The following RNF150 variants were observed in gnomAD, a reference collection of about 807,000 sequenced individuals.
The protein encoded by RNF150 is ring finger protein 150.
A neutral mutation model predicts 39.3 loss-of-function variants in RNF150; 24 were observed. The ratio of observed to expected loss-of-function variants is 0.61; its 90% CI spans 0.44 to 0.86. The LOEUF (loss-of-function observed/expected upper bound fraction) is 0.86, where lower values mean the gene tolerates loss of function less well. Among genes scored for constraint, RNF150 ranks in the 40% least tolerant of loss-of-function variants. The pLI, the probability that RNF150 is intolerant of heterozygous loss-of-function variation, is 0.00. For missense variants in RNF150, 502 were observed against 587.8 expected (o/e 0.85, Z 1.51); for synonymous variants, 255 against 227.3 (o/e 1.12, Z -1.10).
intron 1 of RNF150, among the ~76,000 whole-genome samples, chr4:141,208,947 T>C (rs1578798019): frequency 6.6e-6 from 1 of 152,172 alleles, no homozygotes; most frequent in Admixed American, 6.5e-5. Flanking sequence ...CCAGAGCAGA[T>C]ACTATACATC....
intron 1 of RNF150, among the ~76,000 whole-genome samples, chr4:141,153,941 C>T (rs1417636228): frequency 6.6e-6 from 1 of 152,180 alleles, no homozygotes; most frequent in Non-Finnish European, 1.5e-5. Flanking sequence ...GATTGAATCC[C>T]AGATATGCCA....
intron 1 of RNF150, among the ~76,000 whole-genome samples, chr4:141,004,843 T>C (rs1322237005): frequency 6.6e-6 from 1 of 152,200 alleles, no homozygotes; most frequent in Non-Finnish European, 1.5e-5. Context: ...ATCTACTCTG[T>C]ACATGTCTCC....
At chr4:141,049,886 T>A (rs757112015) in intron 1 of RNF150, among the ~76,000 whole-genome samples, 1 of 151,928 alleles carries the variant, frequency 6.6e-6, no homozygotes. Flanking sequence ...AAAAGATAAA[T>A]GTGATAAGGA....
intron 1 of RNF150, among the ~76,000 whole-genome samples, chr4:141,194,020 A>G (rs973964232): frequency 2.0e-5 from 3 of 152,260 alleles, no homozygotes; most frequent in African/African-American, 4.8e-5. Flanking sequence ...TCTCATATGC[A>G]CATGGTTTTA....
chr4:141,076,299 T>C lies in RNF150; in HGVS notation c.484+56026A>G, dbSNP rs2110964599. On this transcript the variant is annotated intron_variant, in intron 1 of 6. Coordinates refer to ENST00000515673, the MANE Select transcript of RNF150 (RefSeq NM_020724.2). Reference sequence around the variant, plus strand: ...ACCCTTGAGTTAGGCATATTTCCCATTTCTAAATTAAATTGCTTTTTAAAA... The same window carrying C: ...ACCCTTGAGTTAGGCATATTTCCCACTTCTAAATTAAATTGCTTTTTAAAA... 2.0e-5 allele frequency among the ~76,000 whole-genome samples: 3 copies of C among 152,322 alleles called. No individual in the cohort carries two copies. In the East Asian group the frequency reaches 5.8e-4, roughly 29 times the overall value.
At chr4:141,046,291 A>T (rs190765959) in intron 1 of RNF150, among the ~76,000 whole-genome samples, 1 of 152,216 alleles carries the variant, frequency 6.6e-6, no homozygotes, top group Admixed American at 6.5e-5. Flanking sequence ...TCTTCTACCT[A>T]CATAGATACT....
chr4:141,015,110 T>TTATGACAAAGGTGTTATGA (rs1459166746), intron 1 of RNF150, among the ~76,000 whole-genome samples: 1 of 152,224 alleles, frequency 6.6e-6, no homozygotes, highest in Non-Finnish European at 1.5e-5. Context: ...CTCACCTTTG[T>TTATGACAAAGGTGTTATGA]CATAAATAAG....
At chr4:140,967,392 A>G (rs1204903613) in intron 2 of RNF150, among the ~76,000 whole-genome samples, 1 of 152,134 alleles carries the variant, frequency 6.6e-6, no homozygotes, top group Non-Finnish European at 1.5e-5. Context: ...TGTCAAAAAC[A>G]TAAGCAATGG....
intron 2 of RNF150, among the ~76,000 whole-genome samples, chr4:140,957,542 A>C (rs949312866): frequency 3.3e-5 from 5 of 152,232 alleles, no homozygotes; most frequent in Non-Finnish European, 7.3e-5. Context: ...CAGCCATCCC[A>C]TTACTGGGTA....
intron 1 of RNF150, among the ~76,000 whole-genome samples, chr4:141,061,921 A>G (rs1190438395): frequency 1.3e-5 from 2 of 152,008 alleles, no homozygotes; most frequent in Non-Finnish European, 2.9e-5. Flanking sequence ...TCGCCTCCCA[A>G]AAGTACATCG....
chr4:140,945,920 C>T (rs779029053), intron 4 of RNF150, among the ~76,000 whole-genome samples: 1 of 151,926 alleles, frequency 6.6e-6, no homozygotes, highest in Non-Finnish European at 1.5e-5. Context: ...CTTTATAAAA[C>T]CTTTAATAAA....
Position 140,861,899 on chromosome 4 carries a change from C to T in RNF150, c.*6362G>A, listed in dbSNP as rs762960486. Reference sequence around the variant, plus strand: ...AGGCCACAATTCATTTTTTAGATTTCGGGATTTAGTAAGGTCAATCAACAG... The same window carrying T: ...AGGCCACAATTCATTTTTTAGATTTTGGGATTTAGTAAGGTCAATCAACAG... On this transcript the variant is annotated 3_prime_UTR_variant, in exon 7 of 7. Coordinates refer to ENST00000515673, the MANE Select transcript of RNF150 (RefSeq NM_020724.2). 4 of 152,114 alleles carry T rather than the reference C, an allele frequency of 2.6e-5. No individual in the cohort carries two copies. Among genetic ancestry groups the T allele is most frequent in the East Asian group, 1.9e-4 (1 of 5,186 alleles). The allele number at this position is 152,114 out of a possible 1,614,324, so 9.4% of individuals were successfully genotyped here. A position where few individuals can be genotyped will look rare whatever the true frequency, so the allele number is the denominator to read the frequency against.
intron 1 of RNF150, among the ~76,000 whole-genome samples, chr4:141,156,240 G>T (rs1252119699): frequency 6.6e-6 from 1 of 152,108 alleles, no homozygotes; most frequent in Non-Finnish European, 1.5e-5. Flanking sequence ...TATTTCTCAT[G>T]TCTAAATTCT....
chr4:141,048,059 C>G (rs972139767), intron 1 of RNF150, among the ~76,000 whole-genome samples: 2 of 152,148 alleles, frequency 1.3e-5, no homozygotes, highest in African/African-American at 2.4e-5. Flanking sequence ...AGTGAACAAA[C>G]AGGGGTTGTG....
chr4:141,171,706 A>ATGTGCATG (rs1407060699), intron 1 of RNF150, among the ~76,000 whole-genome samples: 1 of 152,248 alleles, frequency 6.6e-6, no homozygotes, highest in African/African-American at 2.4e-5. Context: ...ATATAGATAC[A>ATGTGCATG]TGTGCATGTA....
At chr4:140,914,830 G>A (rs576643127) in intron 5 of RNF150, among the ~76,000 whole-genome samples, 1 of 152,288 alleles carries the variant, frequency 6.6e-6, no homozygotes, top group South Asian at 2.1e-4. Context: ...AGTGAACTGT[G>A]CTCTCATTCT....
intron 2 of RNF150, among the ~76,000 whole-genome samples, chr4:140,951,323 C>G (rs1732530558): frequency 6.6e-6 from 1 of 152,100 alleles, no homozygotes; most frequent in Non-Finnish European, 1.5e-5. Flanking sequence ...ATAAAGCTGC[C>G]TTCAATAATA....
At chr4:141,143,707 A>G (rs192663477) in intron 1 of RNF150, among the ~76,000 whole-genome samples, 4 of 151,794 alleles carry the variant, frequency 2.6e-5, no homozygotes, top group South Asian at 2.1e-4. Context: ...CCTCAGCCAC[A>G]CTGGTTTGTT....
intron 1 of RNF150, among the ~76,000 whole-genome samples, chr4:141,180,960 A>T (rs1727899995): frequency 6.6e-6 from 1 of 152,158 alleles, no homozygotes; most frequent in Non-Finnish European, 1.5e-5. Context: ...ATTCAAGGGA[A>T]TCATTATGGT....
Sources: gnomAD v4.1 joint callset for allele counts (sites outside exome capture counted in the v4.1 genomes callset) on GRCh38, gnomAD v4.1.1 for gene constraint, MANE v1.5 for transcripts, NCBI Gene and HGNC (gene_info 2026-07-23, HGNC 2026-07-21) for gene names.